Variants in EXOC6B observed in about 807,000 individuals in gnomAD.
The protein encoded by EXOC6B is exocyst complex component 6B, also known as SEC15 homolog B.
A neutral mutation model predicts 113.5 loss-of-function variants in EXOC6B; 54 were observed. The ratio of observed to expected loss-of-function variants is 0.48; its 90% CI spans 0.38 to 0.60. The LOEUF is 0.60. Among genes scored for constraint, EXOC6B ranks in the 20% least tolerant of loss-of-function variants. The probability of loss-of-function intolerance (pLI) is 0.00; values close to 1 mark genes in which losing one functional copy is unlikely to be tolerated. For missense variants in EXOC6B, 797 were observed against 977.5 expected (o/e 0.82, Z 2.46); for synonymous variants, 357 against 339.0 (o/e 1.05, Z -0.58).
At chr2:72,666,097 G>A (rs1251179967) in intron 6 of EXOC6B, among the ~76,000 whole-genome samples, 1 of 152,128 alleles carries the variant, frequency 6.6e-6, no homozygotes, top group Non-Finnish European at 1.5e-5. Context: ...ACAAAGATGG[G>A]TATTACATAA....
At chr2:72,179,568 A>G in intron 21 of EXOC6B, 107 bp from the exon 22 acceptor site, 1 of 1,290,328 alleles carries the variant, frequency 7.7e-7, no homozygotes, top group Non-Finnish European at 1.1e-6. Context: ...TACCCAGAGT[A>G]ATGAGAGAGT....
At chr2:72,820,731 T>A (rs929721661) in intron 1 of EXOC6B, among the ~76,000 whole-genome samples, 1 of 152,034 alleles carries the variant, frequency 6.6e-6, no homozygotes, top group Admixed American at 6.6e-5. Context: ...CTGGGTTTTT[T>A]AAAAAATAAA....
At chr2:72,600,947 C>G (rs767898154) in intron 6 of EXOC6B, among the ~76,000 whole-genome samples, 46 of 151,256 alleles carry the variant, frequency 3.0e-4, no homozygotes, top group Non-Finnish European at 6.5e-4. Context: ...AATGAACAAC[C>G]CTATTTAAAA....
At chr2:72,664,283 A>G (rs1675229817) in intron 6 of EXOC6B, among the ~76,000 whole-genome samples, 1 of 152,122 alleles carries the variant, frequency 6.6e-6, no homozygotes, top group African/African-American at 2.4e-5. Context: ...GAGAGAAAAC[A>G]CTGAGACTCA....
intron 18 of EXOC6B, among the ~76,000 whole-genome samples, chr2:72,403,133 A>G (rs1473620245): frequency 1.3e-5 from 2 of 152,178 alleles, no homozygotes; most frequent in Admixed American, 1.3e-4. Flanking sequence ...GTCTTTTCTG[A>G]GTGTATTGCA....
chr2:72,259,031 A>C (rs1683536568), intron 20 of EXOC6B, among the ~76,000 whole-genome samples: 1 of 152,232 alleles, frequency 6.6e-6, no homozygotes, highest in East Asian at 1.9e-4. Flanking sequence ...ACTTGCTTAC[A>C]GTTCTACTTT....
chr2:72,492,155 G>A (rs1217914286), intron 16 of EXOC6B, among the ~76,000 whole-genome samples, 163 bp downstream of exon 16: 3 of 152,076 alleles, frequency 2.0e-5, no homozygotes, highest in Non-Finnish European at 2.9e-5. Context: ...ATTTTTCAAA[G>A]GTGACCAAAG....
chr2:72,566,256 T>G (rs1573405503), intron 7 of EXOC6B, among the ~76,000 whole-genome samples: 1 of 152,174 alleles, frequency 6.6e-6, no homozygotes, highest in East Asian at 1.9e-4. Flanking sequence ...TTTTTAGGAT[T>G]GTCATATTGA....
At chr2:72,192,396 A>G (rs1344299639) in intron 20 of EXOC6B, among the ~76,000 whole-genome samples, 1 of 152,218 alleles carries the variant, frequency 6.6e-6, no homozygotes, top group African/African-American at 2.4e-5. Context: ...GAAAAGTTGT[A>G]TAAGGAAGAA....
intron 1 of EXOC6B, among the ~76,000 whole-genome samples, chr2:72,799,640 CTG>C (rs1685177239): frequency 6.6e-6 from 1 of 152,168 alleles, no homozygotes; most frequent in African/African-American, 2.4e-5. Context: ...GCAAAAGAAA[CTG>C]TATGTTTTTA....
intron 20 of EXOC6B, among the ~76,000 whole-genome samples, chr2:72,317,287 C>T (rs1687578082): frequency 6.6e-6 from 1 of 151,814 alleles, no homozygotes; most frequent in Non-Finnish European, 1.5e-5. Context: ...TAACCATGAA[C>T]ATATTCACTC....
chr2:72,551,954 A>AT (rs563249673), intron 8 of EXOC6B, among the ~76,000 whole-genome samples: 113 of 149,526 alleles, frequency 7.6e-4, no homozygotes, highest in African/African-American at 2.6e-3. Context: ...GCTTCTCCAA[A>AT]TTGATTTCAT....
chr2:72,482,016 G>C (rs1014714784), intron 16 of EXOC6B, among the ~76,000 whole-genome samples: 13 of 152,174 alleles, frequency 8.5e-5, no homozygotes, highest in Non-Finnish European at 2.9e-5. Flanking sequence ...AAATGAAAAT[G>C]AAGTGATTTT....
chr2:72,689,289 C>A (rs564162855), intron 6 of EXOC6B, among the ~76,000 whole-genome samples: 1 of 152,156 alleles, frequency 6.6e-6, no homozygotes, highest in Non-Finnish European at 1.5e-5. Context: ...TTAGGTTACT[C>A]TAACAGTATT....
intron 6 of EXOC6B, among the ~76,000 whole-genome samples, chr2:72,717,675 A>C (rs953399853): frequency 9.2e-5 from 14 of 152,100 alleles, no homozygotes; most frequent in Non-Finnish European, 2.9e-5. Context: ...TTTTTCACTG[A>C]TACCTATTAA....
intron 6 of EXOC6B, among the ~76,000 whole-genome samples, chr2:72,717,007 A>G (rs973423428): frequency 7.2e-5 from 11 of 152,312 alleles, no homozygotes; most frequent in African/African-American, 2.6e-4. Flanking sequence ...CAGCAATGCT[A>G]AGGTATATTG....
intron 18 of EXOC6B, among the ~76,000 whole-genome samples, chr2:72,408,335 T>C (rs572645290): frequency 4.0e-4 from 61 of 152,232 alleles, no homozygotes; most frequent in Middle Eastern, 3.4e-3. Context: ...AAGCTACAAA[T>C]GACTTTCTTC....
intron 18 of EXOC6B, among the ~76,000 whole-genome samples, chr2:72,437,766 A>G (rs921602523): frequency 6.6e-6 from 1 of 152,212 alleles, no homozygotes; most frequent in Non-Finnish European, 1.5e-5. Context: ...GCTCTTATCT[A>G]ATATGCATAT....
intron 18 of EXOC6B, among the ~76,000 whole-genome samples, chr2:72,444,196 CAAATCTTAAAG>C (rs1216099914): frequency 6.6e-6 from 1 of 152,210 alleles, no homozygotes; most frequent in East Asian, 1.9e-4. Flanking sequence ...GCAGGGCAGT[CAAATCTTAAAG>C]CTCGAAAATG....
Sources: allele counts gnomAD v4.1 joint callset (sites outside exome capture counted in the v4.1 genomes callset), GRCh38; gene constraint gnomAD v4.1.1; transcripts MANE v1.5; gene names NCBI Gene and HGNC (gene_info 2026-07-23, HGNC 2026-07-21).